The following RSPO2 variants were observed in gnomAD, a reference collection of about 807,000 sequenced individuals.
RSPO2 encodes the protein R-spondin 2, also known as R-spondin-2.
Under a neutral mutation model 30.9 loss-of-function variants are expected in RSPO2, and 14 were observed. The ratio of observed to expected loss-of-function variants is 0.45; its 90% CI spans 0.30 to 0.71. The LOEUF is 0.71. Ranked by LOEUF, RSPO2 falls within the 30% of genes least tolerant of loss-of-function variation. The pLI is 0.08. For missense variants in RSPO2, 264 were observed against 301.9 expected (o/e 0.87, Z 0.93); for synonymous variants, 107 against 96.4 (o/e 1.11, Z -0.64).
At chr8:107,985,114 T>C (rs957508945) in intron 3 of RSPO2, among the ~76,000 whole-genome samples, 11 of 152,154 alleles carry the variant, frequency 7.2e-5, no homozygotes, top group African/African-American at 2.7e-4. Flanking sequence ...TCAGCTTCAT[T>C]TGTGTCAAAG....
At chr8:108,069,822 A>C (rs137867331) in intron 2 of RSPO2, among the ~76,000 whole-genome samples, 1 of 152,228 alleles carries the variant, frequency 6.6e-6, no homozygotes, top group African/African-American at 2.4e-5. Context: ...AAGTAACTTA[A>C]GATGATATAC....
At chr8:107,950,492 GT>G (rs5893892) in intron 5 of RSPO2, among the ~76,000 whole-genome samples, 44 of 147,438 alleles carry the variant, frequency 3.0e-4, no homozygotes, top group African/African-American at 7.2e-4. Context: ...ATTTTGGGGT[GT>G]TTTTTTTTTA....
intron 5 of RSPO2, among the ~76,000 whole-genome samples, chr8:107,950,770 AT>A (rs1491194968): frequency 6.9e-6 from 1 of 144,710 alleles, no homozygotes; most frequent in Non-Finnish European, 1.5e-5. Context: ...AAAAAAAAAA[AT>A]TTGACACCTC....
At chr8:107,933,254 T>G (rs1351222843) in intron 5 of RSPO2, among the ~76,000 whole-genome samples, 1 of 152,222 alleles carries the variant, frequency 6.6e-6, no homozygotes, top group African/African-American at 2.4e-5. Context: ...GCATCATTTT[T>G]CTAGCATTAC....
At chr8:107,910,594 C>T (rs1811790821) in intron 5 of RSPO2, among the ~76,000 whole-genome samples, 1 of 152,138 alleles carries the variant, frequency 6.6e-6, no homozygotes, top group Admixed American at 6.5e-5. Context: ...GCAGGTCTTA[C>T]ATGAACACAG....
chr8:108,068,886 T>C (rs1812753086), intron 2 of RSPO2, among the ~76,000 whole-genome samples: 1 of 152,226 alleles, frequency 6.6e-6, no homozygotes, highest in African/African-American at 2.4e-5. Flanking sequence ...AGCCTCCAGA[T>C]GGTGAGAAAA....
At chr8:108,061,489 C>T (rs1385883727) in intron 2 of RSPO2, among the ~76,000 whole-genome samples, 1 of 151,660 alleles carries the variant, frequency 6.6e-6, no homozygotes, top group Non-Finnish European at 1.5e-5. Context: ...AGCTAACTAT[C>T]CTAAATATAT....
chr8:107,937,020 T>C (rs1165652209), intron 5 of RSPO2, among the ~76,000 whole-genome samples: 2 of 152,188 alleles, frequency 1.3e-5, no homozygotes, highest in East Asian at 1.9e-4. Flanking sequence ...ATTTTTGTTA[T>C]AGTTGTCTGT....
intron 2 of RSPO2, among the ~76,000 whole-genome samples, chr8:108,016,431 G>A (rs373711516): frequency 1.3e-5 from 2 of 152,134 alleles, no homozygotes; most frequent in African/African-American, 2.4e-5. Context: ...ATGCTGAAAG[G>A]TGTCTCTCCA....
intron 2 of RSPO2, chr8:107,996,802 T>A (rs1815040552): frequency 2.8e-6 from 1 of 359,710 alleles, no homozygotes; most frequent in Non-Finnish European, 5.5e-6. Context: ...GATCTCAGAG[T>A]CAACAAACTG....
At chr8:107,967,565 C>A (rs981435768) in intron 3 of RSPO2, among the ~76,000 whole-genome samples, 1 of 152,034 alleles carries the variant, frequency 6.6e-6, no homozygotes, top group African/African-American at 2.4e-5. Flanking sequence ...TTTCAGGACT[C>A]AATGTTTTAT....
chr8:107,976,777 G>A (rs1814229325), intron 3 of RSPO2, among the ~76,000 whole-genome samples: 3 of 152,178 alleles, frequency 2.0e-5, no homozygotes. Flanking sequence ...CTGTTCTCCT[G>A]TCTACAAACA....
At chr8:107,918,040 C>T (rs1016464007) in intron 5 of RSPO2, among the ~76,000 whole-genome samples, 3 of 152,144 alleles carry the variant, frequency 2.0e-5, no homozygotes, top group African/African-American at 7.2e-5. Context: ...TTGGGACTCT[C>T]ATGGAAAGCT....
At chr8:108,065,318 C>T (rs77624305) in intron 2 of RSPO2, among the ~76,000 whole-genome samples, 4,015 of 147,392 alleles carry the variant, frequency 0.027, 162 homozygotes, top group African/African-American at 0.094. Context: ...AAGAGTACTA[C>T]GAAGGCACTT....
intron 3 of RSPO2, among the ~76,000 whole-genome samples, chr8:107,977,605 GT>G (rs1814261325): frequency 1.3e-5 from 2 of 152,100 alleles, no homozygotes; most frequent in Non-Finnish European, 2.9e-5. Flanking sequence ...GGGGGAGTGG[GT>G]CTGAGAGAGA....
At chr8:108,060,995 G>T (rs981756569) in intron 2 of RSPO2, among the ~76,000 whole-genome samples, 4 of 151,772 alleles carry the variant, frequency 2.6e-5, no homozygotes, top group Non-Finnish European at 5.9e-5. Context: ...GAGAGATTCT[G>T]TCACCACCAG....
chr8:108,081,731 C>T, intron 2 of RSPO2: 1 of 189,002 alleles, frequency 5.3e-6, no homozygotes, highest in Non-Finnish European at 9.8e-6. Flanking sequence ...TTCTCCGCTA[C>T]GCACAAGTGA....
At chr8:107,991,249 A>AACACACACACAC (rs60247229) in intron 2 of RSPO2, among the ~76,000 whole-genome samples, 189 of 133,456 alleles carry the variant, frequency 1.4e-3, no homozygotes, top group African/African-American at 5.0e-3. Flanking sequence ...CTCCATCTCA[A>AACACACACACAC]ACACACACAC....
intron 5 of RSPO2, among the ~76,000 whole-genome samples, chr8:107,940,794 A>G (rs1812871446): frequency 6.6e-6 from 1 of 152,180 alleles, no homozygotes; most frequent in Non-Finnish European, 1.5e-5. Context: ...TAACCAATAG[A>G]TGAATAAGGA....
Sources: allele counts gnomAD v4.1 joint callset (sites outside exome capture counted in the v4.1 genomes callset), GRCh38; gene constraint gnomAD v4.1.1; transcripts MANE v1.5; gene names NCBI Gene and HGNC (gene_info 2026-07-23, HGNC 2026-07-21).